FHL5: variants seen among roughly 807,000 people sequenced by gnomAD.
The protein encoded by FHL5 is four and a half LIM domains protein 5.
Under a neutral mutation model 32.0 loss-of-function variants are expected in FHL5, and 33 were observed. The ratio of observed to expected loss-of-function variants is 1.03; its 90% confidence interval spans 0.78 to 1.38. The LOEUF (loss-of-function observed/expected upper bound fraction) is 1.38, where lower values mean the gene tolerates loss of function less well. FHL5 is among the 40% of genes most tolerant of loss of function. The pLI is 0.00. For synonymous variants in FHL5, 114 were observed against 113.6 expected, an observed-to-expected ratio of 1.00 and a Z score of -0.02; for missense variants, 336 against 343.9, an observed-to-expected ratio of 0.98 and a Z score of 0.18.
intron 1 of FHL5, among the ~76,000 whole-genome samples, chr6:96,602,339 G>A (rs1315540646): frequency 3.4e-5 from 5 of 144,990 alleles, no homozygotes; most frequent in African/African-American, 1.3e-4. Context: ...CATTTTCCAA[G>A]GAAAAGCAGT....
At chr6:96,568,825 T>C (rs1770415999) in intron 1 of FHL5, among the ~76,000 whole-genome samples, 2 of 152,066 alleles carry the variant, frequency 1.3e-5, no homozygotes, top group East Asian at 1.9e-4. Context: ...TTTTCATTCC[T>C]GATTTTATTG....
At chr6:96,604,644 G>C in intron 2 of FHL5, 106 bp from the exon 3 acceptor site, 1 of 783,968 alleles carries the variant, frequency 1.3e-6, no homozygotes, top group Non-Finnish European at 1.9e-6. Context: ...CACGCTACTA[G>C]CACAACCTAC....
chr6:96,586,146 A>G (rs1194113112), intron 1 of FHL5, among the ~76,000 whole-genome samples: 2 of 152,236 alleles, frequency 1.3e-5, no homozygotes, highest in Non-Finnish European at 2.9e-5. Context: ...CTTCGTGAGC[A>G]CAACTTCCAT....
intron 1 of FHL5, among the ~76,000 whole-genome samples, chr6:96,592,542 C>T (rs1002183025): frequency 6.6e-6 from 1 of 152,048 alleles, no homozygotes; most frequent in African/African-American, 2.4e-5. Context: ...CATACATCCT[C>T]CTCAGCTTAC....
chr6:96,602,440 T>C (rs1237727805), intron 1 of FHL5, among the ~76,000 whole-genome samples: 4 of 105,966 alleles, frequency 3.8e-5, no homozygotes, highest in Non-Finnish European at 5.6e-5. Flanking sequence ...TTTTTTTTTT[T>C]TTTTTTTTTT....
chr6:96,584,216 G>T (rs181968405), intron 1 of FHL5, among the ~76,000 whole-genome samples: 2 of 152,118 alleles, frequency 1.3e-5, no homozygotes, highest in African/African-American at 4.8e-5. Flanking sequence ...CAACCACTCT[G>T]CCCTGAAATA....
intron 1 of FHL5, among the ~76,000 whole-genome samples, chr6:96,578,128 C>T (rs1381112072): frequency 6.6e-6 from 1 of 152,084 alleles, no homozygotes; most frequent in Non-Finnish European, 1.5e-5. Context: ...CATTAAGAGG[C>T]TTTATCTCTA....
chr6:96,568,536 TG>T (rs1770409748), intron 1 of FHL5, among the ~76,000 whole-genome samples: 1 of 151,920 alleles, frequency 6.6e-6, no homozygotes, highest in Non-Finnish European at 1.5e-5. Flanking sequence ...GAGGAGAATT[TG>T]TATTAGTTCT....
At chr6:96,577,368 C>T (rs78320482) in intron 1 of FHL5, among the ~76,000 whole-genome samples, 3,049 of 151,834 alleles carry the variant, frequency 0.02, 105 homozygotes, top group African/African-American at 0.069. Flanking sequence ...AACTCAAACA[C>T]CCCCCCAACA....
intron 1 of FHL5, among the ~76,000 whole-genome samples, chr6:96,585,253 C>A: frequency 6.6e-6 from 1 of 152,120 alleles, no homozygotes; most frequent in South Asian, 2.1e-4. Flanking sequence ...TTTTAATATT[C>A]TTTACACCAT....
chr6:96,617,124 A>C lies in FHL5; in HGVS notation c.*1352A>C, dbSNP rs1216349946. ...CCAGACTTTAACTGATCATGACCCT[A>C]TCTTGCTACCCCTGGATATTTTCCA... is the stretch of plus-strand genomic sequence containing the variant. On this transcript the variant is annotated 3_prime_UTR_variant, in exon 6 of 6. Transcript: ENST00000450218. Among the ~76,000 whole-genome samples, 1 of 152,202 alleles carries C rather than the reference A, an allele frequency of 6.6e-6. No individual in the cohort carries two copies. The highest frequency in any genetic ancestry group is 2.4e-5 in the African/African-American group (1 of 41,436).
At chr6:96,588,011 AT>A (rs1252494755) in intron 1 of FHL5, among the ~76,000 whole-genome samples, 2 of 152,190 alleles carry the variant, frequency 1.3e-5, no homozygotes, top group Admixed American at 1.3e-4. Context: ...TATGGCTAGT[AT>A]AAACTCCGTG....
At chr6:96,563,863 T>C (rs753633823) in intron 1 of FHL5, among the ~76,000 whole-genome samples, 6 of 152,160 alleles carry the variant, frequency 3.9e-5, no homozygotes, top group South Asian at 4.1e-4. Context: ...CTGCCTACTT[T>C]CCAGAAGTGG....
chr6:96,574,481 A>T (rs1034974806), intron 1 of FHL5, among the ~76,000 whole-genome samples: 1 of 152,196 alleles, frequency 6.6e-6, no homozygotes, highest in Non-Finnish European at 1.5e-5. Context: ...TTTAAATTTC[A>T]TATGTCAAAA....
chr6:96,613,978 A>G (rs779590041), intron 5 of FHL5, among the ~76,000 whole-genome samples: 24 of 152,362 alleles, frequency 1.6e-4, no homozygotes, highest in Non-Finnish European at 2.6e-4. Context: ...ATGAAACCAG[A>G]TAACACAGGT....
intron 1 of FHL5, among the ~76,000 whole-genome samples, chr6:96,586,330 T>C (rs1401070036): frequency 1.3e-5 from 2 of 152,232 alleles, no homozygotes; most frequent in Admixed American, 6.5e-5. Context: ...ATACACATTA[T>C]TTAAAAACTA....
At chr6:96,607,052 A>G (rs1022920392) in intron 4 of FHL5, among the ~76,000 whole-genome samples, 4 of 151,632 alleles carry the variant, frequency 2.6e-5, no homozygotes, top group Non-Finnish European at 5.9e-5. Flanking sequence ...TTTCTAAGAG[A>G]AAAAAAAAGT....
intron 1 of FHL5, among the ~76,000 whole-genome samples, chr6:96,597,783 C>G (rs1771066214): frequency 6.6e-6 from 1 of 152,084 alleles, no homozygotes. Context: ...TCTAAATGCC[C>G]TTCTCCACAT....
chr6:96,605,954 G>A lies in FHL5; in HGVS notation c.387G>A (p.Val129=). The A allele has an allele frequency of 6.2e-7, 1 of 1,614,098 alleles. No individual in the cohort carries two copies. The highest frequency in any genetic ancestry group is 1.1e-5 in the South Asian group (1 of 91,076). The change falls in exon 4 of 6, where the codon GTG becomes GTA. Residue 129 remains valine (V), a synonymous_variant. Transcript: ENST00000450218. ...KGNYWHETCF[V]CENCRQPIGT... ...ACTACTGGCATGAAACCTGTTTTGTGTGTGAGAATTGCCGACAACCTATAG... is the reference window on the plus strand; with the variant it reads ...ACTACTGGCATGAAACCTGTTTTGTATGTGAGAATTGCCGACAACCTATAG...
Sources: gnomAD v4.1 joint callset for allele counts (sites outside exome capture counted in the v4.1 genomes callset) on GRCh38, gnomAD v4.1.1 for gene constraint, MANE v1.5 for transcripts, NCBI Gene and HGNC (gene_info 2026-07-23, HGNC 2026-07-21) for gene names.